Variants in ITIH6 observed in about 807,000 individuals in gnomAD.
The protein encoded by ITIH6 is inter-alpha-trypsin inhibitor heavy chain H6.
A neutral mutation model predicts 58.2 loss-of-function variants in ITIH6; 60 were observed. The observed-to-expected ratio is 1.03, with a 90% CI of 0.84 to 1.28. The LOEUF is 1.28. ITIH6 is among the 50% of genes most tolerant of loss of function. The pLI, the probability that ITIH6 is intolerant of heterozygous loss-of-function variation, is 0.00. For missense variants in ITIH6, 1,290 were observed against 1,021.1 expected, an observed-to-expected ratio of 1.26 and a Z score of -3.59; for synonymous variants, 493 against 417.4, an observed-to-expected ratio of 1.18 and a Z score of -2.21.
At chrX:54,766,166 A>T (rs1422137397) in intron 6 of ITIH6, among the ~76,000 whole-genome samples, 10 of 110,437 alleles carry the variant, frequency 9.1e-5, no homozygotes, top group Non-Finnish European at 1.5e-4. Flanking sequence ...TGTGAATGGG[A>T]GTTCACTCAT....
chrX:54,779,704 C>T (rs1381739926), intron 5 of ITIH6, among the ~76,000 whole-genome samples: 1 of 110,537 alleles, frequency 9.0e-6, no homozygotes, highest in Non-Finnish European at 1.9e-5. Flanking sequence ...ATAATCACAT[C>T]GAATGTAAAT....
chrX:54,788,760 C>T, intron 4 of ITIH6, 111 bp from the exon 5 acceptor site: 1 of 597,832 alleles, frequency 1.7e-6, no homozygotes, highest in Middle Eastern at 5.1e-4. Flanking sequence ...AGAAGTCTAA[C>T]TCTTCCCCAA....
intron 6 of ITIH6, among the ~76,000 whole-genome samples, chrX:54,761,017 T>A (rs375826148): frequency 6.3e-5 from 7 of 111,794 alleles, no homozygotes; most frequent in Admixed American, 2.8e-4. Context: ...CGCCACACTG[T>A]CTTCCACAAT....
intron 5 of ITIH6, chrX:54,787,599 A>G (rs935703718): frequency 8.9e-6 from 1 of 111,781 alleles, no homozygotes; most frequent in African/African-American, 3.3e-5. Flanking sequence ...ATATGAATGA[A>G]TGAATGTTGC....
chrX:54,793,938 T>C (rs9698941), intron 2 of ITIH6, among the ~76,000 whole-genome samples: 6,010 of 110,889 alleles, frequency 0.054, 412 homozygotes, highest in African/African-American at 0.19. Flanking sequence ...TAGTTGGGTG[T>C]CCTAGAGAAA....
chrX:54,789,100 C>T (rs1929298132), intron 4 of ITIH6, among the ~76,000 whole-genome samples: 2 of 112,425 alleles, frequency 1.8e-5, no homozygotes, highest in Admixed American at 1.9e-4. Context: ...CTCATTCCCC[C>T]ACTGCTGTGG....
At chrX:54,768,691 A>T (rs1456867624) in intron 6 of ITIH6, among the ~76,000 whole-genome samples, 4 of 105,624 alleles carry the variant, frequency 3.8e-5, no homozygotes, top group African/African-American at 1.4e-4. Flanking sequence ...TTCTTTAAGA[A>T]TGTTGAATAT....
Position 54,753,637 on chromosome X carries a change from C to T in ITIH6, c.3352+14G>A, listed in dbSNP as rs1928418903. The T allele has an allele frequency of 1.3e-5, 15 of 1,157,840 alleles. No individual in the cohort carries two copies. Among genetic ancestry groups the T allele is most frequent in the Non-Finnish European group, 1.7e-5 (14 of 846,981 alleles). On this transcript the variant is annotated intron_variant, in intron 11 of 12. Transcript: ENST00000218436. ...AGCTTTGGTGTATGGTGATGGAGTT[C>T]TTGGGGCTCTTACCTGCCTTTGGGT...
chrX:54,757,167 T>C lies in ITIH6; in HGVS notation c.2907A>G (p.Leu969=). The C allele has an allele frequency of 1.7e-6, 2 of 1,209,734 alleles. No individual in the cohort carries two copies. The highest frequency in any genetic ancestry group is 2.2e-6 in the Non-Finnish European group (2 of 894,628). The change falls in exon 8 of 13, where the codon CTA becomes CTG. Residue 969 remains leucine, a synonymous_variant. Transcript: ENST00000218436. The part of the protein sequence containing the change: ...PSRPGVPTMS[L]LNSSRPTPEG... The stretch of plus-strand genomic sequence containing the variant: ...CTGGTGTAGGCCTGGAGCTGTTGAG[T>C]AGGCTCATTGTTGGAACTCCTGGCC...
intron 9 of ITIH6, among the ~76,000 whole-genome samples, chrX:54,754,603 T>C (rs1928449206): frequency 9.0e-6 from 1 of 111,526 alleles, no homozygotes; most frequent in Non-Finnish European, 1.9e-5. Context: ...ATGCAGGAGA[T>C]TTCTAGGTAC....
chrX:54,770,138 T>G (rs1403993629), intron 6 of ITIH6, among the ~76,000 whole-genome samples: 2 of 112,327 alleles, frequency 1.8e-5, no homozygotes, highest in African/African-American at 3.2e-5. Flanking sequence ...AGTGACCCGA[T>G]TTTTCAGGTG....
intron 6 of ITIH6, among the ~76,000 whole-genome samples, chrX:54,767,242 T>G (rs1348277960): frequency 9.5e-6 from 1 of 104,812 alleles, no homozygotes; most frequent in African/African-American, 3.7e-5. Flanking sequence ...GATATCCCCT[T>G]TATCATTTTT....
Position 54,758,591 on chromosome X carries a change from G to C in ITIH6, c.1483C>G (p.Pro495Ala), listed in dbSNP as rs752888976. The change falls in exon 8 of 13, where the codon CCC (proline) becomes GCC (alanine). Residue 495 changes from proline (P) to alanine (A), a missense_variant. By Grantham distance (27) the Pro-to-Ala change is conservative. Coordinates refer to ENST00000218436, the MANE Select transcript of ITIH6 (RefSeq NM_198510.3). ...LVGASPWAVFPNYFGGSELVV... is the reference protein window; with the variant it reads ...LVGASPWAVFANYFGGSELVV... ...AGCTCAGAGCCACCAAAGTAGTTGG[G>C]GAAAACGGCCCAAGGGGAGGCCCCA... is the stretch of plus-strand genomic sequence containing the variant. 13 of 1,209,257 alleles carry C rather than the reference G, an allele frequency of 1.1e-5. No individual in the cohort carries two copies.
intron 5 of ITIH6, among the ~76,000 whole-genome samples, chrX:54,784,474 G>A (rs189906039): frequency 2.7e-3 from 295 of 111,186 alleles, no homozygotes; most frequent in African/African-American, 9.0e-3. Context: ...AATATATAAG[G>A]AGCTCAAACA....
In ITIH6 at chrX:54,753,949, G is replaced by A. The variant is rs745476590; in HGVS notation, c.3219C>T (p.Ile1073=). 3 of 1,210,009 alleles carry A rather than the reference G, an allele frequency of 2.5e-6. No individual in the cohort carries two copies. The highest frequency in any genetic ancestry group is 3.4e-6 in the Non-Finnish European group (3 of 894,539). ...GCTTACCTGAGGAGGAGAAGGTGAA[G>A]ATGCTAGGCAATGTGCCTGCAAAGG... ...VGLAKGTLPS[I]FTFSSSVDGD... is the part of the protein sequence containing the mutation. The change falls in exon 10 of 13, where the codon ATC becomes ATT. Residue 1073 remains isoleucine, a synonymous_variant. Coordinates refer to ENST00000218436, the MANE Select transcript of ITIH6 (RefSeq NM_198510.3).
At chrX:54,792,507 A>G (rs1206778946) in intron 2 of ITIH6, among the ~76,000 whole-genome samples, 2 of 112,207 alleles carry the variant, frequency 1.8e-5, no homozygotes, top group Non-Finnish European at 3.8e-5. Flanking sequence ...CTCAGAAAGT[A>G]TATCTATTGA....
At chrX:54,750,249 G>A (rs1300922610) in intron 12 of ITIH6, 143 bp from the exon 13 acceptor site, 3 of 488,579 alleles carry the variant, frequency 6.1e-6, no homozygotes, top group East Asian at 3.7e-5. Context: ...AAGAGGCTTG[G>A]CATTGTGGGA....
At chrX:54,775,555 C>T (rs2147613849) in intron 5 of ITIH6, among the ~76,000 whole-genome samples, 1 of 111,870 alleles carries the variant, frequency 8.9e-6, no homozygotes, top group Non-Finnish European at 1.9e-5. Flanking sequence ...TCCAGTACTC[C>T]TCAGGTCCCC....
intron 6 of ITIH6, among the ~76,000 whole-genome samples, chrX:54,760,322 C>A (rs968105882): frequency 3.6e-5 from 4 of 111,434 alleles, no homozygotes; most frequent in Non-Finnish European, 7.5e-5. Flanking sequence ...ATATTGGACA[C>A]TGGTCATCTA....
Sources: gnomAD v4.1 joint callset for allele counts (sites outside exome capture counted in the v4.1 genomes callset) on GRCh38, gnomAD v4.1.1 for gene constraint, MANE v1.5 for transcripts, NCBI Gene and HGNC (gene_info 2026-07-23, HGNC 2026-07-21) for gene names.